Variants in ITFG1 observed in about 807,000 individuals in gnomAD.
ITFG1 encodes the protein T-cell immunomodulatory protein.
A neutral mutation model predicts 81.8 loss-of-function variants in ITFG1; 34 were observed. That is an observed-to-expected ratio of 0.42 (90% CI 0.32 to 0.55). The LOEUF (loss-of-function observed/expected upper bound fraction) is 0.55, where lower values mean the gene tolerates loss of function less well. Ranked by LOEUF, ITFG1 falls within the 20% of genes least tolerant of loss-of-function variation. The pLI is 0.17. For missense variants in ITFG1, 672 were observed against 755.4 expected, an observed-to-expected ratio of 0.89 and a Z score of 1.29; for synonymous variants, 285 against 270.6, an observed-to-expected ratio of 1.05 and a Z score of -0.52.
At chr16:47,406,824 A>T (rs1968735411) in intron 6 of ITFG1, among the ~76,000 whole-genome samples, 1 of 152,236 alleles carries the variant, frequency 6.6e-6, no homozygotes, top group African/African-American at 2.4e-5. Flanking sequence ...ACATTTAAAT[A>T]AAGATGTGAA....
At chr16:47,416,354 TA>T (rs1400093687) in intron 6 of ITFG1, among the ~76,000 whole-genome samples, 1 of 152,162 alleles carries the variant, frequency 6.6e-6, no homozygotes, top group African/African-American at 2.4e-5. Flanking sequence ...AATTAAGAAC[TA>T]AAAATATTTA....
At chr16:47,385,346 A>G (rs1396792829) in intron 6 of ITFG1, among the ~76,000 whole-genome samples, 1 of 152,246 alleles carries the variant, frequency 6.6e-6, no homozygotes, top group Non-Finnish European at 1.5e-5. Context: ...ACACTTAACA[A>G]TTATAAAAAT....
intron 10 of ITFG1, among the ~76,000 whole-genome samples, chr16:47,301,507 C>T (rs997882247): frequency 6.6e-6 from 1 of 151,898 alleles, no homozygotes; most frequent in African/African-American, 2.4e-5. Flanking sequence ...AGCAATTCTC[C>T]TGCCTCAGCC....
chr16:47,275,392 A>C (rs1966386844), intron 10 of ITFG1, among the ~76,000 whole-genome samples: 1 of 152,172 alleles, frequency 6.6e-6, no homozygotes, highest in South Asian at 2.1e-4. Flanking sequence ...AATAATAGGT[A>C]TTTATAAAAT....
intron 2 of ITFG1, among the ~76,000 whole-genome samples, chr16:47,457,989 C>G (rs1157240157): frequency 6.6e-6 from 1 of 152,190 alleles, no homozygotes; most frequent in African/African-American, 2.4e-5. Context: ...TTTGAGTTTA[C>G]TCAAAATACT....
intron 14 of ITFG1, among the ~76,000 whole-genome samples, chr16:47,207,669 G>A (rs909677129): frequency 1.3e-5 from 2 of 152,154 alleles, no homozygotes; most frequent in South Asian, 2.1e-4. Flanking sequence ...TTAAGAAGGC[G>A]GGAGAGTAGA....
At chr16:47,380,352 G>A (rs546820742) in intron 6 of ITFG1, among the ~76,000 whole-genome samples, 7 of 152,140 alleles carry the variant, frequency 4.6e-5, no homozygotes, top group Non-Finnish European at 7.4e-5. Context: ...TGATGATGAC[G>A]GAGAAGTTCC....
chr16:47,354,297 G>A (rs1968008926), intron 8 of ITFG1, among the ~76,000 whole-genome samples: 1 of 152,054 alleles, frequency 6.6e-6, no homozygotes, highest in African/African-American at 2.4e-5. Flanking sequence ...AACACACACT[G>A]GGGAAAGGAC....
At chr16:47,438,052 G>A (rs1969192119) in intron 5 of ITFG1, among the ~76,000 whole-genome samples, 2 of 152,234 alleles carry the variant, frequency 1.3e-5, no homozygotes. Context: ...ACCTGGCTCG[G>A]AGGGTCCTAT....
intron 6 of ITFG1, among the ~76,000 whole-genome samples, chr16:47,422,620 C>A (rs1968965687): frequency 6.6e-6 from 1 of 152,184 alleles, no homozygotes; most frequent in Admixed American, 6.5e-5. Context: ...CCGTCTAGTC[C>A]TGGACTTTCT....
At chr16:47,187,859 C>G (rs1198987206) in intron 14 of ITFG1, among the ~76,000 whole-genome samples, 1 of 152,086 alleles carries the variant, frequency 6.6e-6, no homozygotes, top group Non-Finnish European at 1.5e-5. Context: ...TCGCAACCTA[C>G]TCATCTGACA....
At chr16:47,446,710 T>A (rs1249259549) in intron 5 of ITFG1, among the ~76,000 whole-genome samples, 1 of 152,142 alleles carries the variant, frequency 6.6e-6, no homozygotes, top group Non-Finnish European at 1.5e-5. Context: ...GTATACACTT[T>A]GAAAAAATGC....
At chr16:47,283,411 T>C (rs763849558) in intron 10 of ITFG1, among the ~76,000 whole-genome samples, 7 of 152,238 alleles carry the variant, frequency 4.6e-5, no homozygotes, top group Non-Finnish European at 8.8e-5. Context: ...GGTTTGCTTC[T>C]GGGTTCTCCA....
chr16:47,197,569 C>A (rs1439675635), intron 14 of ITFG1, among the ~76,000 whole-genome samples: 1 of 152,264 alleles, frequency 6.6e-6, no homozygotes. Context: ...GCCACACTTG[C>A]TCAGGACATC....
In ITFG1 at chr16:47,260,574, C is replaced by A. The variant is rs1395519083; in HGVS notation, c.1192G>T (p.Val398Phe). ...TCGTAAATGTCAAAGAAGGTGGCAA[C>A]CATGGCATCCTTAATTTGATTTAGG... Reference protein sequence around the residue: ...TDLNQIKDAMVATFFDIYEDG... With the variant: ...TDLNQIKDAMFATFFDIYEDG... Residue 398 changes from valine (V) to phenylalanine (F), a missense_variant, in exon 11 of 18, where the codon GTT becomes TTT. Transcript: ENST00000320640. 1 of 1,614,128 alleles carries A rather than the reference C, an allele frequency of 6.2e-7. No homozygotes were observed. Among genetic ancestry groups the A allele is most frequent in the East Asian group, 2.2e-5 (1 of 44,868 alleles).
intron 8 of ITFG1, among the ~76,000 whole-genome samples, chr16:47,319,835 AT>A (rs1393676024): frequency 1.3e-5 from 2 of 152,202 alleles, no homozygotes; most frequent in East Asian, 3.9e-4. Context: ...AAGTCAAAAA[AT>A]ATCTTAGTAT....
At chr16:47,171,673 A>G (rs1401019587) in intron 14 of ITFG1, among the ~76,000 whole-genome samples, 1 of 152,160 alleles carries the variant, frequency 6.6e-6, no homozygotes, top group African/African-American at 2.4e-5. Flanking sequence ...TTACAGCCAT[A>G]AAGTCCCTCT....
At chr16:47,439,334 A>C (rs561848513) in intron 5 of ITFG1, among the ~76,000 whole-genome samples, 2 of 152,330 alleles carry the variant, frequency 1.3e-5, no homozygotes, top group East Asian at 3.9e-4. Flanking sequence ...AATACAGAGA[A>C]CACCACAAAG....
At chr16:47,275,798 A>C (rs887736849) in intron 10 of ITFG1, among the ~76,000 whole-genome samples, 1 of 152,176 alleles carries the variant, frequency 6.6e-6, no homozygotes, top group African/African-American at 2.4e-5. Flanking sequence ...TCTGCCACAT[A>C]TCAAAATGCA....
Sources: allele counts gnomAD v4.1 joint callset (sites outside exome capture counted in the v4.1 genomes callset), GRCh38; gene constraint gnomAD v4.1.1; transcripts MANE v1.5; gene names NCBI Gene and HGNC (gene_info 2026-07-23, HGNC 2026-07-21).